The following AGMO variants were observed in gnomAD, a reference collection of about 807,000 sequenced individuals.
AGMO encodes glyceryl-ether monooxygenase.
A neutral mutation model predicts 60.2 loss-of-function variants in AGMO; 75 were observed. That is an observed-to-expected ratio of 1.25 (90% confidence interval 1.03 to 1.51). The LOEUF (loss-of-function observed/expected upper bound fraction) is 1.51. AGMO is among the 40% of genes most tolerant of loss of function. AGMO has a pLI of 0.00. For synonymous variants in AGMO, 261 were observed against 177.1 expected (o/e 1.47, Z -3.76); for missense variants, 763 against 525.5 (o/e 1.45, Z -4.42).
intron 12 of AGMO, among the ~76,000 whole-genome samples, chr7:15,317,842 C>CATATAT (rs5882494): frequency 2.1e-5 from 3 of 145,182 alleles, no homozygotes; most frequent in East Asian, 2.0e-4. Flanking sequence ...ATATTTTTGT[C>CATATAT]ATATATATAT....
At chr7:15,205,979 T>G (rs922479502) in intron 12 of AGMO, among the ~76,000 whole-genome samples, 1 of 152,086 alleles carries the variant, frequency 6.6e-6, no homozygotes, top group African/African-American at 2.4e-5. Flanking sequence ...TATGGAGTAC[T>G]TTTTTCCTAA....
At chr7:15,294,247 T>G (rs1784352724) in intron 12 of AGMO, among the ~76,000 whole-genome samples, 1 of 151,976 alleles carries the variant, frequency 6.6e-6, no homozygotes, top group Admixed American at 6.6e-5. Context: ...TTATCACATA[T>G]AATACAAACC....
chr7:15,458,038 T>C (rs577805046), intron 3 of AGMO, among the ~76,000 whole-genome samples: 1 of 152,334 alleles, frequency 6.6e-6, no homozygotes, highest in South Asian at 2.1e-4. Context: ...TTCTCTCACT[T>C]GCCTACAAGA....
chr7:15,548,634 T>C (rs1055051488), intron 2 of AGMO, among the ~76,000 whole-genome samples: 1 of 151,892 alleles, frequency 6.6e-6, no homozygotes, highest in Non-Finnish European at 1.5e-5. Context: ...TAAAAAGAAA[T>C]GAGCAAAGCC....
chr7:15,558,793 T>C (rs1413224722), intron 2 of AGMO, among the ~76,000 whole-genome samples: 1 of 152,152 alleles, frequency 6.6e-6, no homozygotes, highest in Non-Finnish European at 1.5e-5. Context: ...ATGTAATATA[T>C]GAAATTATTC....
rs1455945717 is a variant in AGMO, at chr7:15,354,385, T to TGTGTATATAGAC, written c.1263+11128_1263+11129insGTCTATATACAC. On this transcript the variant is annotated intron_variant, in intron 12 of 12. Coordinates refer to ENST00000342526, the MANE Select transcript of AGMO (RefSeq NM_001004320.2). The stretch of plus-strand genomic sequence containing the variant: ...GTGTATATAGACGTGTGTATACACG[T>TGTGTATATAGAC]GTGTGTATACACGTGTGTGTACACA... Among the ~76,000 whole-genome samples, 12 of 9,670 alleles carry TGTGTATATAGAC rather than the reference T, an allele frequency of 1.2e-3. 2 individuals carry two copies. The highest frequency in any genetic ancestry group is 6.7e-3 in the African/African-American group (10 of 1,500). 6.3% of individuals were successfully genotyped at this position (9,670 alleles called of 152,430 possible).
At chr7:15,555,562 G>A (rs17329947) in intron 2 of AGMO, among the ~76,000 whole-genome samples, 9,241 of 151,792 alleles carry the variant, frequency 0.061, 358 homozygotes, top group Non-Finnish European at 0.093. Flanking sequence ...AGTTATTATT[G>A]TTAAATGGTA....
At chr7:15,516,450 A>C (rs1783808292) in intron 3 of AGMO, among the ~76,000 whole-genome samples, 2 of 152,194 alleles carry the variant, frequency 1.3e-5, no homozygotes, top group South Asian at 4.1e-4. Flanking sequence ...CCTTTACTGA[A>C]CTGGTTTTAC....
chr7:15,446,485 A>C (rs1437883602), intron 3 of AGMO, among the ~76,000 whole-genome samples: 1 of 152,210 alleles, frequency 6.6e-6, no homozygotes. Flanking sequence ...ACACCATGTG[A>C]AGAAGATTAA....
intron 12 of AGMO, among the ~76,000 whole-genome samples, chr7:15,264,914 A>G (rs1783387580): frequency 6.6e-6 from 1 of 152,082 alleles, no homozygotes; most frequent in Admixed American, 6.6e-5. Context: ...CATTCAACCC[A>G]GCAATCACAC....
At chr7:15,457,186 A>T (rs1281081313) in intron 3 of AGMO, among the ~76,000 whole-genome samples, 1 of 152,190 alleles carries the variant, frequency 6.6e-6, no homozygotes, top group Admixed American at 6.6e-5. Flanking sequence ...CAGAACAGGA[A>T]ATACTGATTC....
At chr7:15,350,504 T>C (rs2128553576) in intron 12 of AGMO, among the ~76,000 whole-genome samples, 1 of 152,222 alleles carries the variant, frequency 6.6e-6, no homozygotes, top group African/African-American at 2.4e-5. Flanking sequence ...TGCTTTTCTC[T>C]TATATTTAGA....
chr7:15,550,964 C>G (rs1407614334), intron 2 of AGMO, among the ~76,000 whole-genome samples: 2 of 134,738 alleles, frequency 1.5e-5, no homozygotes, highest in African/African-American at 2.9e-5. Flanking sequence ...AAAAGCTTAT[C>G]CACCATGATC....
intron 12 of AGMO, among the ~76,000 whole-genome samples, chr7:15,279,274 G>T (rs1335398297): frequency 1.3e-5 from 2 of 152,130 alleles, no homozygotes; most frequent in Admixed American, 1.3e-4. Context: ...ACTGGTCCCA[G>T]CTCAGCAGGC....
the AGMO span, among the ~76,000 whole-genome samples, chr7:15,131,949 C>T: frequency 6.6e-6 from 1 of 152,014 alleles, no homozygotes; most frequent in African/African-American, 2.4e-5. Flanking sequence ...AATTCTGAAT[C>T]CACTCTCCTG....
At chr7:15,166,413 G>A in the AGMO span, among the ~76,000 whole-genome samples, 1 of 152,130 alleles carries the variant, frequency 6.6e-6, no homozygotes, top group East Asian at 1.9e-4. Flanking sequence ...AGACCAGAGT[G>A]GGGAGGGAGA....
At chr7:15,130,209 TATG>T in the AGMO span, among the ~76,000 whole-genome samples, 10 of 152,254 alleles carry the variant, frequency 6.6e-5, no homozygotes, top group African/African-American at 2.4e-4. Context: ...TTCAAATTAT[TATG>T]ATAATTATAT....
chr7:15,170,470 C>T, the AGMO span, among the ~76,000 whole-genome samples: 1 of 152,188 alleles, frequency 6.6e-6, no homozygotes, highest in Non-Finnish European at 1.5e-5. Context: ...TAGCATATTA[C>T]AATGTCATTC....
chr7:15,534,997 G>C (rs1269148540), intron 3 of AGMO, among the ~76,000 whole-genome samples: 2 of 151,734 alleles, frequency 1.3e-5, no homozygotes, highest in Non-Finnish European at 2.9e-5. Context: ...TAAGTGTTTT[G>C]TCCATTTTTA....
Sources: allele counts gnomAD v4.1 joint callset (sites outside exome capture counted in the v4.1 genomes callset), GRCh38; gene constraint gnomAD v4.1.1; transcripts MANE v1.5; gene names NCBI Gene and HGNC (gene_info 2026-07-23, HGNC 2026-07-21).